RASEF: variants seen among roughly 807,000 people sequenced by gnomAD.
RASEF encodes the protein ras and EF-hand domain-containing protein.
A neutral mutation model predicts 90.1 loss-of-function variants in RASEF; 68 were observed. The ratio of observed to expected loss-of-function variants is 0.75; its 90% CI spans 0.62 to 0.92. The LOEUF (loss-of-function observed/expected upper bound fraction) is 0.92, where lower values mean the gene tolerates loss of function less well. RASEF is among the 40% of genes least tolerant of loss of function. RASEF has a pLI of 0.00. For missense variants in RASEF, 949 were observed against 937.2 expected, an observed-to-expected ratio of 1.01 and a Z score of -0.16; for synonymous variants, 331 against 345.2, an observed-to-expected ratio of 0.96 and a Z score of 0.46.
At chr9:83,008,645 C>T (rs4348583) in intron 6 of RASEF, among the ~76,000 whole-genome samples, 76,933 of 151,462 alleles carry the variant, frequency 0.51, 19,715 homozygotes, top group East Asian at 0.73. Context: ...TGTTGCCATC[C>T]TGGCTGCCTC....
At chr9:83,107,573 A>T in the RASEF span, among the ~76,000 whole-genome samples, 1 of 152,176 alleles carries the variant, frequency 6.6e-6, no homozygotes, top group African/African-American at 2.4e-5. Flanking sequence ...TCGCTCTCCT[A>T]AAACAACTCT....
At chr9:83,203,009 A>T in the RASEF span, among the ~76,000 whole-genome samples, 4 of 152,160 alleles carry the variant, frequency 2.6e-5, no homozygotes, top group African/African-American at 9.7e-5. Context: ...TTATTCTCTT[A>T]TATGGACCCA....
the RASEF span, among the ~76,000 whole-genome samples, chr9:83,209,730 C>T: frequency 5.9e-5 from 9 of 152,126 alleles, no homozygotes; most frequent in African/African-American, 1.7e-4. Flanking sequence ...AGTATAATGA[C>T]GAAAAGTATA....
At chr9:83,075,708 A>G in the RASEF span, among the ~76,000 whole-genome samples, 1 of 152,204 alleles carries the variant, frequency 6.6e-6, no homozygotes, top group Non-Finnish European at 1.5e-5. Flanking sequence ...GTCCTCCAAA[A>G]TAATGGAGAA....
the RASEF span, among the ~76,000 whole-genome samples, chr9:83,174,271 G>A: frequency 6.6e-6 from 1 of 151,898 alleles, no homozygotes; most frequent in African/African-American, 2.4e-5. Context: ...TATTCTGAGA[G>A]TTTTAGTTCT....
chr9:83,214,871 C>A, the RASEF span, among the ~76,000 whole-genome samples: 1 of 151,906 alleles, frequency 6.6e-6, no homozygotes, highest in East Asian at 1.9e-4. Flanking sequence ...GCAAAGGCCC[C>A]ACTCTCAAGC....
the RASEF span, chr9:83,201,931 T>C: frequency 6.6e-6 from 1 of 151,244 alleles, no homozygotes; most frequent in South Asian, 2.0e-4. Context: ...CAGATGAAAA[T>C]GCTAACATAA....
At chr9:82,989,495 G>C (rs529018978) in intron 16 of RASEF, among the ~76,000 whole-genome samples, 7 of 152,268 alleles carry the variant, frequency 4.6e-5, no homozygotes, top group African/African-American at 9.6e-5. Context: ...TGGAATTAAA[G>C]GTGTGGGCCA....
chr9:83,170,829 T>G, the RASEF span, among the ~76,000 whole-genome samples: 1 of 151,856 alleles, frequency 6.6e-6, no homozygotes, highest in Non-Finnish European at 1.5e-5. Flanking sequence ...TGGTGAAGTC[T>G]TTAGGATTTT....
the RASEF span, among the ~76,000 whole-genome samples, chr9:83,084,991 C>T: frequency 6.6e-6 from 1 of 152,146 alleles, no homozygotes; most frequent in East Asian, 1.9e-4. Context: ...TTCAGGAATA[C>T]TCGGCTTTGT....
At chr9:83,117,480 T>C in the RASEF span, among the ~76,000 whole-genome samples, 1 of 152,180 alleles carries the variant, frequency 6.6e-6, no homozygotes, top group African/African-American at 2.4e-5. Context: ...TTGCTTTCCA[T>C]TAAGGTTCTT....
rs938841054 is a variant in RASEF at position 83,063,078 on chromosome 9, C to T, written c.-211G>A. 2 of 526,224 alleles carry T rather than the reference C, an allele frequency of 3.8e-6. No individual in the cohort carries two copies. Among genetic ancestry groups the T allele is most frequent in the Admixed American group, 4.4e-5 (1 of 22,912 alleles). The allele number at this position is 526,224 out of a possible 1,614,324, so 32.6% of individuals were successfully genotyped here. On this transcript the variant is annotated 5_prime_UTR_variant, in exon 1 of 17. Transcript: ENST00000376447. ...GACGACGGTTCGGGCCAGCCCCCAA[C>T]AGGTCCCGGGAGCGGTGGGGTGCGC...
chr9:83,072,487 C>T, the RASEF span, among the ~76,000 whole-genome samples: 6 of 152,118 alleles, frequency 3.9e-5, no homozygotes, highest in Non-Finnish European at 5.9e-5. Flanking sequence ...GGTGAAGTCC[C>T]ACAATAGGCC....
At chr9:83,075,475 A>C in the RASEF span, among the ~76,000 whole-genome samples, 1 of 152,222 alleles carries the variant, frequency 6.6e-6, no homozygotes, top group African/African-American at 2.4e-5. Context: ...TAGAACTATC[A>C]GAATGATAGG....
the RASEF span, among the ~76,000 whole-genome samples, chr9:83,211,789 A>G: frequency 6.6e-6 from 1 of 152,194 alleles, no homozygotes. Flanking sequence ...AGAGATGGAC[A>G]CTCAGATCCA....
chr9:83,043,316 G>C (rs1292069324), intron 1 of RASEF, among the ~76,000 whole-genome samples: 10 of 151,928 alleles, frequency 6.6e-5, no homozygotes, highest in Non-Finnish European at 1.5e-4. Context: ...GAAGCCAAAT[G>C]CATTGTATGA....
chr9:83,018,894 A>G (rs1829393513), intron 3 of RASEF, among the ~76,000 whole-genome samples: 1 of 152,186 alleles, frequency 6.6e-6, no homozygotes, highest in South Asian at 2.1e-4. Context: ...GATAAAGTGC[A>G]GAGGCAATTC....
At chr9:83,040,963 C>T (rs1056616962) in intron 1 of RASEF, among the ~76,000 whole-genome samples, 6 of 152,176 alleles carry the variant, frequency 3.9e-5, no homozygotes, top group Non-Finnish European at 5.9e-5. Flanking sequence ...TGGGTTCAAA[C>T]GATTCTCCCG....
chr9:83,153,043 G>A, the RASEF span, among the ~76,000 whole-genome samples: 2 of 152,020 alleles, frequency 1.3e-5, no homozygotes, highest in East Asian at 3.8e-4. Flanking sequence ...GGACCACTTC[G>A]GAAAACTTGT....
Sources: allele counts gnomAD v4.1 joint callset (sites outside exome capture counted in the v4.1 genomes callset), GRCh38; gene constraint gnomAD v4.1.1; transcripts MANE v1.5; gene names NCBI Gene and HGNC (gene_info 2026-07-23, HGNC 2026-07-21).